The following SBF2 variants were observed in gnomAD, a reference collection of about 807,000 sequenced individuals.
SBF2 encodes the protein SET binding factor 2, also known as myotubularin-related protein 13.
In SBF2, 112 loss-of-function variants were observed where a neutral mutation model predicts 225.2. The observed-to-expected ratio is 0.50, with a 90% CI of 0.43 to 0.58. The LOEUF is 0.58. Among genes scored for constraint, SBF2 ranks in the 20% least tolerant of loss-of-function variants. SBF2 has a pLI of 0.00. For synonymous variants in SBF2, 763 were observed against 773.3 expected (o/e 0.99, Z 0.22); for missense variants, 1,996 against 2,206.2 (o/e 0.90, Z 1.91).
chr11:10,240,444 T>C (rs1487250013), intron 1 of SBF2, among the ~76,000 whole-genome samples: 2 of 152,112 alleles, frequency 1.3e-5, no homozygotes, highest in Non-Finnish European at 1.5e-5. Context: ...TAGAGAACAA[T>C]AGCTGAAATA....
At chr11:10,068,491 T>C (rs1192925047) in intron 2 of SBF2, among the ~76,000 whole-genome samples, 1 of 152,174 alleles carries the variant, frequency 6.6e-6, no homozygotes, top group African/African-American at 2.4e-5. Context: ...GACTTGGGAT[T>C]CTAGAATAAA....
At chr11:9,885,028 A>G (rs1272757433) in intron 17 of SBF2, among the ~76,000 whole-genome samples, 4 of 151,938 alleles carry the variant, frequency 2.6e-5, no homozygotes, top group Admixed American at 6.6e-5. Flanking sequence ...AGGCGGACGG[A>G]TCACTTGAGG....
At chr11:9,893,838 G>C (rs532325473) in intron 17 of SBF2, among the ~76,000 whole-genome samples, 7 of 152,306 alleles carry the variant, frequency 4.6e-5, no homozygotes, top group African/African-American at 1.2e-4. Context: ...TTGTTAGGTA[G>C]TATGCCTGAG....
At chr11:10,272,344 T>G (rs1219693269) in intron 1 of SBF2, 1 of 649,718 alleles carries the variant, frequency 1.5e-6, no homozygotes, top group Non-Finnish European at 2.5e-6. Context: ...TAAGGCTTAC[T>G]TACTTGCTAG....
rs555805365 is a variant in SBF2, at chr11:9,971,445, G to A, written c.1396-2900C>T. Among the ~76,000 whole-genome samples, 45 of 152,164 alleles carry A rather than the reference G, an allele frequency of 3.0e-4. 1 individual carries two copies. In the South Asian group the frequency reaches 8.9e-3, roughly 30 times the overall value. On this transcript the variant is annotated intron_variant, in intron 13 of 39. Transcript: ENST00000256190. ...TGTAATCTCAGCACTTTGGGAGTTC[G>A]GAGTGGGCAGATCACTTTAGTCCAG...
intron 2 of SBF2, among the ~76,000 whole-genome samples, chr11:10,182,237 G>T (rs540348867): frequency 3.3e-5 from 5 of 152,200 alleles, no homozygotes; most frequent in Non-Finnish European, 7.4e-5. Context: ...AAAATGGGGG[G>T]GTAGGTAATA....
At chr11:9,881,128 T>C (rs934816788) in intron 17 of SBF2, among the ~76,000 whole-genome samples, 2 of 152,202 alleles carry the variant, frequency 1.3e-5, no homozygotes, top group East Asian at 1.9e-4. Context: ...CATTTTTGGA[T>C]ATAGAATCTC....
Position 9,779,504 on chromosome 11 carries a change from A to G in SBF2, c.*914T>C, listed in dbSNP as rs950792978. On this transcript the variant is annotated 3_prime_UTR_variant, in exon 40 of 40. Transcript: ENST00000256190. ...TGTAGTTTGGGTATCCAGTCATGCC[A>G]CAGTGTGACTGTGGTCAACACAGCC... is the stretch of plus-strand genomic sequence containing the variant. 6.5e-6 allele frequency: 1 copy of G among 152,680 alleles called. No homozygotes were observed. Among genetic ancestry groups the G allele is most frequent in the Admixed American group, 6.5e-5 (1 of 15,286 alleles). 9.5% of individuals were successfully genotyped at this position (152,680 alleles called of 1,614,324 possible).
intron 16 of SBF2, among the ~76,000 whole-genome samples, chr11:9,946,519 C>T (rs554448932): frequency 2.7e-5 from 4 of 149,666 alleles, no homozygotes; most frequent in Non-Finnish European, 4.4e-5. Flanking sequence ...GGTGCGATCT[C>T]GGCTCATGGC....
chr11:10,089,165 A>C (rs1951686713), intron 2 of SBF2, among the ~76,000 whole-genome samples: 1 of 152,190 alleles, frequency 6.6e-6, no homozygotes, highest in Non-Finnish European at 1.5e-5. Flanking sequence ...AGTAGTGTAC[A>C]CTGAACCCAT....
At chr11:9,936,642 T>G (rs1864917130) in intron 16 of SBF2, among the ~76,000 whole-genome samples, 1 of 152,220 alleles carries the variant, frequency 6.6e-6, no homozygotes, top group Admixed American at 6.5e-5. Context: ...GATGAGTTCA[T>G]GTCCTATGCA....
chr11:9,942,661 C>T (rs1265459352), intron 16 of SBF2, among the ~76,000 whole-genome samples: 1 of 151,886 alleles, frequency 6.6e-6, no homozygotes, highest in African/African-American at 2.4e-5. Flanking sequence ...AAAATCCTGT[C>T]TCTACTAAAA....
rs544893017 is a variant in SBF2, at chr11:10,133,297, T to A, written c.141+60605A>T. On this transcript the variant is annotated intron_variant, in intron 2 of 39. Transcript: ENST00000256190. ...GGAGCTGCCTGCCAGTCCTGCGCCG[T>A]GTGCTCGCATTCCTCAGCCCTTGGG... Among the ~76,000 whole-genome samples the A allele has an allele frequency of 3.1e-4, 47 of 149,510 alleles. 3 individuals are homozygous for A. The highest frequency in any genetic ancestry group is 4.9e-4 in the Non-Finnish European group (33 of 67,492).
chr11:10,289,790 T>A (rs9804478), intron 1 of SBF2, among the ~76,000 whole-genome samples: 31,289 of 152,062 alleles, frequency 0.21, 3,475 homozygotes, highest in Middle Eastern at 0.28. Flanking sequence ...CAGACCCCCA[T>A]ATCACACCTC....
intron 13 of SBF2, among the ~76,000 whole-genome samples, chr11:9,989,055 T>TATATATATATATATATATATATATACAC (rs963608316): frequency 7.0e-6 from 1 of 142,630 alleles, no homozygotes; most frequent in Non-Finnish European, 1.6e-5. Context: ...TATATATATA[T>TATATATATATATATATATATATATACAC]ACATATGCAT....
rs149486565 is a variant in SBF2 at position 9,783,482 on chromosome 11, A to G, written c.5319+869T>C. ...TTGAGAATCAAAATGTGTAAGCCTC[A>G]GCCTCAAGGCTGAGTGGTCAGTCCC... On this transcript the variant is annotated intron_variant, in intron 38 of 39. Transcript: ENST00000256190. 2.7e-3 allele frequency among the ~76,000 whole-genome samples: 408 copies of G among 152,344 alleles called. 4 individuals are homozygous for G. Among genetic ancestry groups the G allele is most frequent in the African/African-American group, 9.4e-3 (389 of 41,574 alleles).
At chr11:10,101,940 C>G (rs911756829) in intron 2 of SBF2, among the ~76,000 whole-genome samples, 1 of 151,968 alleles carries the variant, frequency 6.6e-6, no homozygotes, top group Non-Finnish European at 1.5e-5. Context: ...GTCCCTGAAA[C>G]CAATACTAGA....
rs189514432 is a variant in SBF2 at position 9,868,545 on chromosome 11, A to T, written c.1930-10149T>A. On this transcript the variant is annotated intron_variant, in intron 17 of 39. Transcript: ENST00000256190. ...AAGTAAATAAATAAATAAAAATAAA[A>T]AAAAAGTTTGTCTTTGTTTTTCTGT... Among the ~76,000 whole-genome samples the T allele has an allele frequency of 7.9e-5, 12 of 151,770 alleles. No individual in the cohort carries two copies. The East Asian group carries it at 1.2e-3, about 15-fold the overall frequency.
chr11:9,919,251 C>T (rs1360198722), intron 16 of SBF2, among the ~76,000 whole-genome samples: 1 of 131,578 alleles, frequency 7.6e-6, no homozygotes, highest in Non-Finnish European at 1.6e-5. Flanking sequence ...ATAGCCTCTC[C>T]TTTCTTCTTC....
Sources: allele counts gnomAD v4.1 joint callset (sites outside exome capture counted in the v4.1 genomes callset), GRCh38; gene constraint gnomAD v4.1.1; transcripts MANE v1.5; gene names NCBI Gene and HGNC (gene_info 2026-07-23, HGNC 2026-07-21).